CNTNAP2: variants seen among roughly 807,000 people sequenced by gnomAD.
The protein encoded by CNTNAP2 is contactin associated protein 2, also known as contactin-associated protein-like 2.
In CNTNAP2, 98 loss-of-function variants were observed where a neutral mutation model predicts 155.2. The ratio of observed to expected loss-of-function variants is 0.63; its 90% CI spans 0.54 to 0.75. The LOEUF is 0.75. Among genes scored for constraint, CNTNAP2 ranks in the 30% least tolerant of loss-of-function variants. The pLI is 0.00. For synonymous variants in CNTNAP2, 651 were observed against 631.2 expected (o/e 1.03, Z -0.47); for missense variants, 1,727 against 1,688.1 (o/e 1.02, Z -0.40).
At chr7:146,388,566 G>A (rs1315065312) in intron 1 of CNTNAP2, among the ~76,000 whole-genome samples, 1 of 152,040 alleles carries the variant, frequency 6.6e-6, no homozygotes, top group Admixed American at 6.6e-5. Context: ...TGGGGAATGG[G>A]GGATCCATCC....
At chr7:147,713,919 T>C (rs1031365372) in intron 13 of CNTNAP2, among the ~76,000 whole-genome samples, 1 of 152,136 alleles carries the variant, frequency 6.6e-6, no homozygotes, top group Non-Finnish European at 1.5e-5. Context: ...TTCATAGTAC[T>C]AGCAAAGTAC....
At chr7:148,031,298 T>C (rs1802472352) in intron 15 of CNTNAP2, among the ~76,000 whole-genome samples, 1 of 152,250 alleles carries the variant, frequency 6.6e-6, no homozygotes, top group Non-Finnish European at 1.5e-5. Flanking sequence ...AATTGCAAGT[T>C]TTCTAATGTA....
At chr7:147,020,373 G>A (rs1189435200) in intron 3 of CNTNAP2, among the ~76,000 whole-genome samples, 1 of 152,126 alleles carries the variant, frequency 6.6e-6, no homozygotes, top group Non-Finnish European at 1.5e-5. Context: ...AAAGGCTACA[G>A]GGTTAAAGGG....
intron 1 of CNTNAP2, among the ~76,000 whole-genome samples, chr7:146,542,016 A>AT (rs569467548): frequency 2.6e-5 from 4 of 151,818 alleles, no homozygotes; most frequent in South Asian, 2.1e-4. Context: ...GAAAATAAAC[A>AT]TTTTTTTTCA....
intron 13 of CNTNAP2, among the ~76,000 whole-genome samples, chr7:147,807,215 T>G (rs954411128): frequency 1.3e-5 from 2 of 150,472 alleles, no homozygotes; most frequent in African/African-American, 4.9e-5. Flanking sequence ...CCCAGCTACT[T>G]GAGAGGCTGA....
At chr7:146,847,310 C>A (rs1803860965) in intron 3 of CNTNAP2, among the ~76,000 whole-genome samples, 2 of 152,024 alleles carry the variant, frequency 1.3e-5, no homozygotes, top group Admixed American at 6.6e-5. Flanking sequence ...GCCTGAGAGG[C>A]CGTGGAATGA....
chr7:147,394,932 A>C (rs1796787507), intron 9 of CNTNAP2, among the ~76,000 whole-genome samples: 1 of 151,564 alleles, frequency 6.6e-6, no homozygotes, highest in African/African-American at 2.4e-5. Context: ...TATTTTATAT[A>C]TACCATATTA....
intron 14 of CNTNAP2, among the ~76,000 whole-genome samples, chr7:147,930,715 A>G (rs914332034): frequency 4.6e-5 from 7 of 152,198 alleles, no homozygotes; most frequent in African/African-American, 1.7e-4. Flanking sequence ...CATACACAGA[A>G]CATCCCACCC....
At chr7:148,053,307 A>G (rs1443748542) in intron 15 of CNTNAP2, among the ~76,000 whole-genome samples, 1 of 152,180 alleles carries the variant, frequency 6.6e-6, no homozygotes, top group Non-Finnish European at 1.5e-5. Context: ...TAAAATACAC[A>G]TTATTCATAT....
chr7:146,611,740 T>C (rs1799141795), intron 1 of CNTNAP2, among the ~76,000 whole-genome samples: 1 of 152,218 alleles, frequency 6.6e-6, no homozygotes. Context: ...TTAAATTACA[T>C]ATTTTGGTAT....
chr7:148,242,066 T>C (rs748325052), intron 20 of CNTNAP2, among the ~76,000 whole-genome samples: 2 of 152,192 alleles, frequency 1.3e-5, no homozygotes, highest in Non-Finnish European at 2.9e-5. Context: ...GTGCATTAAA[T>C]ACATAAATCA....
chr7:148,090,450 C>A (rs2116562810), intron 15 of CNTNAP2, among the ~76,000 whole-genome samples: 2 of 151,982 alleles, frequency 1.3e-5, no homozygotes, highest in East Asian at 3.9e-4. Context: ...GACAAAGGAC[C>A]TGAGTAGATG....
intron 1 of CNTNAP2, among the ~76,000 whole-genome samples, chr7:146,152,593 T>A (rs1202148931): frequency 6.6e-6 from 1 of 152,142 alleles, no homozygotes; most frequent in African/African-American, 2.4e-5. Context: ...TTCCACCATG[T>A]ATATATATTT....
chr7:148,392,120 C>T (rs1799364400), intron 22 of CNTNAP2, among the ~76,000 whole-genome samples: 1 of 151,682 alleles, frequency 6.6e-6, no homozygotes, highest in African/African-American at 2.4e-5. Context: ...TGTCACTAGG[C>T]TGGAGTGTAG....
intron 22 of CNTNAP2, among the ~76,000 whole-genome samples, chr7:148,387,515 T>A (rs191416417): frequency 1.2e-3 from 184 of 152,256 alleles, no homozygotes; most frequent in Non-Finnish European, 2.1e-3. Flanking sequence ...AAGTAGATTA[T>A]CTCATCTGGT....
At chr7:147,128,975 A>G (rs1227452133) in intron 7 of CNTNAP2, 139 bp downstream of exon 7, 3 of 1,064,752 alleles carry the variant, frequency 2.8e-6, no homozygotes, top group East Asian at 4.9e-5. Context: ...AACAAACATT[A>G]GAGTTATCAG....
chr7:146,858,107 T>G (rs954481635), intron 3 of CNTNAP2, among the ~76,000 whole-genome samples: 2 of 152,114 alleles, frequency 1.3e-5, no homozygotes, highest in African/African-American at 4.8e-5. Context: ...AGGAAATAAA[T>G]CACAATTAGA....
intron 15 of CNTNAP2, among the ~76,000 whole-genome samples, chr7:148,097,333 T>C (rs1437416584): frequency 9.1e-6 from 1 of 109,706 alleles, no homozygotes; most frequent in Non-Finnish European, 1.7e-5. Context: ...TCAGCTCGTG[T>C]CATTTGTAAA....
intron 8 of CNTNAP2, among the ~76,000 whole-genome samples, chr7:147,245,030 G>T (rs1303991441): frequency 6.6e-6 from 1 of 152,068 alleles, no homozygotes; most frequent in African/African-American, 2.4e-5. Context: ...GAGGGCCTTA[G>T]GGGATTAAAA....
Sources: gnomAD v4.1 joint callset for allele counts (sites outside exome capture counted in the v4.1 genomes callset) on GRCh38, gnomAD v4.1.1 for gene constraint, MANE v1.5 for transcripts, NCBI Gene and HGNC (gene_info 2026-07-23, HGNC 2026-07-21) for gene names.